The following EZH1 variants were observed in gnomAD, a reference collection of about 807,000 sequenced individuals.
The protein encoded by EZH1 is histone-lysine N-methyltransferase EZH1.
EZH1 carries 33 observed loss-of-function variants against 100.5 expected under a neutral mutation model. The observed-to-expected ratio is 0.33, with a 90% CI of 0.25 to 0.44. EZH1 has a LOEUF of 0.44. EZH1 is among the 20% of genes least tolerant of loss of function. The pLI is 1.00. For synonymous variants in EZH1, 272 were observed against 313.8 expected, an observed-to-expected ratio of 0.87 and a Z score of 1.41; for missense variants, 475 against 928.4, an observed-to-expected ratio of 0.51 and a Z score of 6.35.
chr17:42,716,028 CA>C (rs2053597901), intron 10 of EZH1, among the ~76,000 whole-genome samples: 1 of 121,644 alleles, frequency 8.2e-6, no homozygotes. Context: ...GCCTGGGCAA[CA>C]AGAGTGAAAC....
Position 42,723,352 on chromosome 17 carries a change from C to T in EZH1, c.367-437G>A, listed in dbSNP as rs369519870. Among the ~76,000 whole-genome samples the T allele has an allele frequency of 2.9e-4, 42 of 146,084 alleles. No homozygotes were observed. The South Asian group carries it at 4.1e-3, about 14-fold the overall frequency. On this transcript the variant is annotated intron_variant, in intron 5 of 20. Transcript: ENST00000428826. ...ATCGCGCCACTGTACTCCAGCCTGG[C>T]GACACAGTGAGACTCCGTCTCAAAA...
intron 10 of EZH1, among the ~76,000 whole-genome samples, chr17:42,716,968 G>A (rs1259678411): frequency 6.6e-6 from 1 of 152,158 alleles, no homozygotes; most frequent in Non-Finnish European, 1.5e-5. Flanking sequence ...AAAGTGCTGG[G>A]ATTATAGGTG....
intron 12 of EZH1, among the ~76,000 whole-genome samples, chr17:42,711,735 C>T (rs1301734414): frequency 1.4e-5 from 2 of 147,786 alleles, no homozygotes; most frequent in African/African-American, 5.0e-5. Flanking sequence ...TGCTTGAGCC[C>T]AGGAGGCGGA....
In EZH1 at chr17:42,706,336, C is replaced by A. The variant is rs910401871; in HGVS notation, c.1661-151G>T. 12 of 647,024 alleles carry A rather than the reference C, an allele frequency of 1.9e-5. No individual in the cohort carries two copies. Among genetic ancestry groups the A allele is most frequent in the Admixed American group, 3.4e-5 (1 of 29,136 alleles). The allele number at this position is 647,024 out of a possible 1,614,324, so 40.1% of individuals were successfully genotyped here. A position where few individuals can be genotyped will look rare whatever the true frequency, so the allele number is the denominator to read the frequency against. On this transcript the variant is annotated intron_variant, in intron 15 of 20. Transcript: ENST00000428826. The surrounding 1 kb of genome is among the most constrained non-coding windows in gnomAD (Gnocchi z 4.4). ...GCTCCCTTCCCAATAATCAAATACA[C>A]AAGTTTTGTCCATAGAAAACTGAGT... is the stretch of plus-strand genomic sequence containing the variant.
intron 10 of EZH1, among the ~76,000 whole-genome samples, chr17:42,714,813 A>T (rs1362512182): frequency 6.8e-6 from 1 of 146,988 alleles, no homozygotes; most frequent in African/African-American, 2.5e-5. Context: ...CTGTGTATGA[A>T]GTATACAGTA....
Position 42,713,372 on chromosome 17 carries a change from A to G in EZH1, c.1041T>C (p.Tyr347=). The G allele has an allele frequency of 1.2e-6, 2 of 1,605,812 alleles. No homozygotes were observed. The highest frequency in any genetic ancestry group is 1.7e-6 in the Non-Finnish European group (2 of 1,172,950). ...TGGAGCGGGGGTTGTGGAGCATGGC[A>G]TACTCCTTTGCTCCTTCCTGCAGTG... ...CFLLLEGAKE[Y]AMLHNPRSKC... Residue 347 remains tyrosine (Y), a synonymous_variant, in exon 11 of 21, where the codon TAT becomes TAC. Transcript: ENST00000428826.
At chr17:42,744,364 C>A (rs1479082754) in intron 1 of EZH1, among the ~76,000 whole-genome samples, 1 of 152,102 alleles carries the variant, frequency 6.6e-6, no homozygotes, top group African/African-American at 2.4e-5. Context: ...TGGCGTGAGA[C>A]CAAAAGTCTG....
chr17:42,741,075 C>CT (rs2054167022), intron 1 of EZH1, among the ~76,000 whole-genome samples: 1 of 152,210 alleles, frequency 6.6e-6, no homozygotes, highest in Non-Finnish European at 1.5e-5. Flanking sequence ...CCCAACCTAT[C>CT]TAATTATCTT....
Position 42,701,635 on chromosome 17 carries a change from C to G in EZH1, c.*897G>C, listed in dbSNP as rs2143695546. 6.5e-6 allele frequency: 1 copy of G among 153,050 alleles called. No individual in the cohort carries two copies. Among genetic ancestry groups the G allele is most frequent in the African/African-American group, 2.4e-5 (1 of 41,594 alleles). The allele number at this position is 153,050 out of a possible 1,614,324, so 9.5% of individuals were successfully genotyped here. On this transcript the variant is annotated 3_prime_UTR_variant, in exon 21 of 21. Coordinates refer to ENST00000428826, the MANE Select transcript of EZH1 (RefSeq NM_001991.5). ...GGAATGGAAGGCCTGAAAACACCCA[C>G]AAATCCAGCGAGCCAGGATGCTCAC...
intron 2 of EZH1, among the ~76,000 whole-genome samples, chr17:42,730,071 A>G (rs1005147631): frequency 6.6e-6 from 1 of 152,236 alleles, no homozygotes; most frequent in Non-Finnish European, 1.5e-5. Flanking sequence ...CAAAACAAAA[A>G]AAAACAACAA....
In EZH1 at chr17:42,706,193, G is replaced by A; in HGVS notation, c.1661-8C>T. 6.2e-7 allele frequency: 1 copy of A among 1,603,484 alleles called. No individual in the cohort carries two copies. The highest frequency in any genetic ancestry group is 1.1e-5 in the South Asian group (1 of 89,410). ...CAGGGAAACGATTCTGACCTGGGAA[G>A]GGAAGACAGGTAAGTCTTAGAAGGG... On this transcript the variant is annotated splice_polypyrimidine_tract_variant and splice_region_variant and intron_variant, in intron 15 of 20. Transcript: ENST00000428826. This position sits in a 1 kb window ranked among gnomAD's most constrained non-coding sequence, Gnocchi z 4.4.
chr17:42,730,073 A>C (rs184944119), intron 2 of EZH1, among the ~76,000 whole-genome samples: 408 of 152,228 alleles, frequency 2.7e-3, no homozygotes, highest in Non-Finnish European at 3.6e-3. Flanking sequence ...AAACAAAAAA[A>C]AACAACAACA....
In EZH1 at chr17:42,727,490, A is replaced by G. The variant is rs1249871720; in HGVS notation, c.246+145T>C. The G allele has an allele frequency of 1.6e-5, 15 of 967,642 alleles. No homozygotes were observed. In the South Asian group the frequency reaches 2.9e-4, roughly 19 times the overall value. The allele number at this position is 967,642 out of a possible 1,614,324, so 59.9% of individuals were successfully genotyped here. On this transcript the variant is annotated intron_variant, in intron 4 of 20. Coordinates refer to ENST00000428826, the MANE Select transcript of EZH1 (RefSeq NM_001991.5). ...ACTCCTCACCTCAAGCGATTTTCCC[A>G]CCTCAGCCTCCCAAATAGCTGGGAA...
rs551379412 is a variant in EZH1 at position 42,725,065 on chromosome 17, G to C, written c.247-641C>G. Among the ~76,000 whole-genome samples, 43 of 151,610 alleles carry C rather than the reference G, an allele frequency of 2.8e-4. No individual in the cohort carries two copies. In the South Asian group the frequency reaches 4.4e-3, roughly 15 times the overall value. On this transcript the variant is annotated intron_variant, in intron 4 of 20. Coordinates refer to ENST00000428826, the MANE Select transcript of EZH1 (RefSeq NM_001991.5). Reference sequence around the variant, plus strand: ...GCCTGTAGTCCCAGCTACTCGGGAGGCTGAGGCAGGAGAATTGCTTGAACC... The same window carrying C: ...GCCTGTAGTCCCAGCTACTCGGGAGCCTGAGGCAGGAGAATTGCTTGAACC...
chr17:42,704,478 G>A (rs368845229), intron 18 of EZH1, 124 bp downstream of exon 18: 1 of 667,380 alleles, frequency 1.5e-6, no homozygotes. Context: ...GAGGCAGAGG[G>A]TAGAGGCTAC....
In EZH1 at chr17:42,728,961, GAC is replaced by G; in HGVS notation, c.-11-11_-11-10del. 1 of 1,576,644 alleles carries G rather than the reference GAC, an allele frequency of 6.3e-7. No homozygotes were observed. The highest frequency in any genetic ancestry group is 1.8e-5 in the Admixed American group (1 of 54,894). On this transcript the variant is annotated splice_polypyrimidine_tract_variant and intron_variant, in intron 2 of 20. Transcript: ENST00000428826. ...TTCCATCTTGCTGTAATCTAAGAGA[GAC>G]AGAGATGAGAAATAGCATTTTATTG...
intron 1 of EZH1, among the ~76,000 whole-genome samples, chr17:42,738,578 T>C (rs1225740168): frequency 2.7e-5 from 4 of 150,048 alleles, no homozygotes; most frequent in Non-Finnish European, 4.4e-5. Context: ...CTGGAGTGCG[T>C]TGGTGCAATA....
intron 1 of EZH1, among the ~76,000 whole-genome samples, chr17:42,735,593 T>C (rs2054049826): frequency 6.6e-6 from 1 of 152,180 alleles, no homozygotes; most frequent in African/African-American, 2.4e-5. Flanking sequence ...ATCTACACAT[T>C]GAAGATAAAC....
At chr17:42,744,724 A>G (rs1387178739) in intron 1 of EZH1, among the ~76,000 whole-genome samples, 6 of 150,578 alleles carry the variant, frequency 4.0e-5, no homozygotes, top group Non-Finnish European at 7.4e-5. Context: ...ACCGCCATCC[A>G]ACGGGATTCC....
Sources: allele counts gnomAD v4.1 joint callset (sites outside exome capture counted in the v4.1 genomes callset), GRCh38; gene constraint gnomAD v4.1.1; non-coding constraint Gnocchi (gnomAD v3.1); transcripts MANE v1.5; gene names NCBI Gene and HGNC (gene_info 2026-07-23, HGNC 2026-07-21).